TNFRSF9: variants seen among roughly 807,000 people sequenced by gnomAD.
The protein encoded by TNFRSF9 is TNF receptor superfamily member 9.
TNFRSF9 carries 16 observed loss-of-function variants against 28.8 expected under a neutral mutation model. That is an observed-to-expected ratio of 0.55 (90% CI 0.38 to 0.84). The LOEUF (loss-of-function observed/expected upper bound fraction) is 0.84. TNFRSF9 is among the 40% of genes least tolerant of loss of function. The probability of loss-of-function intolerance (pLI) is 0.00; values close to 1 mark genes in which losing one functional copy is unlikely to be tolerated. For synonymous variants in TNFRSF9, 131 were observed against 117.0 expected (o/e 1.12, Z -0.77); for missense variants, 303 against 315.0 (o/e 0.96, Z 0.29).
At chr1:7,929,413 C>T (rs1221678134) in intron 7 of TNFRSF9, among the ~76,000 whole-genome samples, 6 of 151,920 alleles carry the variant, frequency 3.9e-5, no homozygotes, top group African/African-American at 1.2e-4. Flanking sequence ...GTGATCCATC[C>T]GCCTCAGCCT....
At chr1:7,927,375 T>C (rs1301553430) in intron 7 of TNFRSF9, among the ~76,000 whole-genome samples, 1 of 152,224 alleles carries the variant, frequency 6.6e-6, no homozygotes, top group African/African-American at 2.4e-5. Flanking sequence ...CTATCTCTTT[T>C]GCCTAATAAA....
chr1:7,935,050 T>G lies in TNFRSF9; in HGVS notation c.507A>C (p.Ala169=). ...CAGGGGCAGGCGGGGTCACAGAGGA[T>G]GCTCCCGGAGAGAGGTCGGCTGGAG... ...GPSPADLSPG[A]SSVTPPAPAR... is the part of the protein sequence containing the mutation. Residue 169 remains alanine, a synonymous_variant, in exon 6 of 8, where the codon GCA becomes GCC. Coordinates refer to ENST00000377507, the MANE Select transcript of TNFRSF9 (RefSeq NM_001561.6). 6.2e-7 allele frequency: 1 copy of G among 1,614,256 alleles called. No homozygotes were observed.
chr1:7,938,659 G>C (rs1639856283), intron 3 of TNFRSF9, 62 bp downstream of exon 3: 2 of 1,368,514 alleles, frequency 1.5e-6, no homozygotes, highest in Non-Finnish European at 2.0e-6. Flanking sequence ...TTAGTAAATG[G>C]GAAAGAAAAG....
rs765656918 is a variant in TNFRSF9, at chr1:7,937,725, G to A, written c.378C>T (p.Asn126=). Reference sequence around the variant, plus strand: ...GTCGACAGATGCCACGTTTCTGATCGTTAAATGTCCCAAAGCAACAGTCTT... The same window carrying A: ...GTCGACAGATGCCACGTTTCTGATCATTAAATGTCCCAAAGCAACAGTCTT... ...GCKDCCFGTF[N]DQKRGICRPW... Residue 126 remains asparagine (N), a synonymous_variant, in exon 5 of 8, where the codon AAC becomes AAT. Coordinates refer to ENST00000377507, the MANE Select transcript of TNFRSF9 (RefSeq NM_001561.6). 2.0e-5 allele frequency: 32 copies of A among 1,613,310 alleles called. No homozygotes were observed. Among genetic ancestry groups the A allele is most frequent in the Admixed American group, 3.3e-5 (2 of 59,986 alleles).
chr1:7,935,331 T>C (rs1557429578), intron 5 of TNFRSF9, among the ~76,000 whole-genome samples, 188 bp from the exon 6 acceptor site: 2 of 152,236 alleles, frequency 1.3e-5, no homozygotes, highest in Non-Finnish European at 2.9e-5. Context: ...CAGCTTTCCA[T>C]GGCTTCCTTC....
At chr1:7,930,349 G>A (rs1000964213) in intron 7 of TNFRSF9, among the ~76,000 whole-genome samples, 2 of 152,150 alleles carry the variant, frequency 1.3e-5, no homozygotes, top group African/African-American at 4.8e-5. Context: ...CTACCAGGGA[G>A]TGTCCTAAAA....
rs746242326 is a variant in TNFRSF9 at position 7,933,226 on chromosome 1, G to A, written c.615C>T (p.Phe205=). 2 of 1,614,024 alleles carry A rather than the reference G, an allele frequency of 1.2e-6. No homozygotes were observed. The highest frequency in any genetic ancestry group is 1.7e-5 in the Admixed American group (1 of 60,008). The change falls in exon 7 of 8, where the codon TTC becomes TTT. Residue 205 remains phenylalanine, a synonymous_variant. Transcript: ENST00000377507. The part of the protein sequence containing the change: ...TSTALLFLLF[F]LTLRFSVVKR... Reference sequence around the variant, plus strand: ...TAACAACAGAGAAACGGAGCGTGAGGAAGAACAGCAGGAAGAGCAACGCAG... The same window carrying A: ...TAACAACAGAGAAACGGAGCGTGAGAAAGAACAGCAGGAAGAGCAACGCAG...
intron 7 of TNFRSF9, among the ~76,000 whole-genome samples, chr1:7,926,832 C>T (rs980916806): frequency 1.3e-5 from 2 of 152,180 alleles, no homozygotes; most frequent in African/African-American, 2.4e-5. Context: ...TAATGTTTTC[C>T]ACTAGTGGTG....
At chr1:7,932,714 C>G (rs1330963795) in intron 7 of TNFRSF9, among the ~76,000 whole-genome samples, 3 of 147,926 alleles carry the variant, frequency 2.0e-5, no homozygotes, top group South Asian at 2.1e-4. Flanking sequence ...CACACACACA[C>G]AGACACGCAC....
chr1:7,922,911 T>C (rs1323205341), intron 7 of TNFRSF9, among the ~76,000 whole-genome samples: 1 of 150,680 alleles, frequency 6.6e-6, no homozygotes, highest in Non-Finnish European at 1.5e-5. Flanking sequence ...TTTTTTTCTT[T>C]TTTTTTTTTG....
chr1:7,922,756 G>C (rs17229081), intron 7 of TNFRSF9, among the ~76,000 whole-genome samples: 1 of 151,566 alleles, frequency 6.6e-6, no homozygotes, highest in African/African-American at 2.4e-5. Flanking sequence ...AGGTTGCAGA[G>C]AGCTGAGATT....
At chr1:7,924,759 G>A (rs1053219318) in intron 7 of TNFRSF9, among the ~76,000 whole-genome samples, 1 of 152,138 alleles carries the variant, frequency 6.6e-6, no homozygotes, top group African/African-American at 2.4e-5. Flanking sequence ...GCATGTTTTT[G>A]CCCCAAAGAT....
chr1:7,925,900 C>T lies in TNFRSF9; in HGVS notation c.680-4977G>A, dbSNP rs533369081. Among the ~76,000 whole-genome samples the T allele has an allele frequency of 7.2e-5, 11 of 152,238 alleles. No homozygotes were observed. The East Asian group carries it at 2.1e-3, about 29-fold the overall frequency. On this transcript the variant is annotated intron_variant, in intron 7 of 7. Transcript: ENST00000377507. Reference sequence around the variant, plus strand: ...CACGTGCTTGCCCACCACTCTCCTCCTGCTGGGTGGCCTGGTTTCTAATGG... The same window carrying T: ...CACGTGCTTGCCCACCACTCTCCTCTTGCTGGGTGGCCTGGTTTCTAATGG...
intron 7 of TNFRSF9, chr1:7,921,655 G>C (rs1639562924): frequency 6.6e-6 from 1 of 152,066 alleles, no homozygotes; most frequent in Non-Finnish European, 1.5e-5. Context: ...GTGACAGAGT[G>C]AGACTCCATC....
At chr1:7,921,248 A>G (rs1639553758) in intron 7 of TNFRSF9, among the ~76,000 whole-genome samples, 1 of 150,416 alleles carries the variant, frequency 6.6e-6, no homozygotes, top group African/African-American at 2.5e-5. Flanking sequence ...AGGCAGGACA[A>G]TTGCTTGAAC....
At chr1:7,934,440 G>C (rs1234886034) in intron 6 of TNFRSF9, among the ~76,000 whole-genome samples, 1 of 151,928 alleles carries the variant, frequency 6.6e-6, no homozygotes, top group Admixed American at 6.6e-5. Context: ...GACGGGCGTG[G>C]TGGCTCACAC....
At position 7,938,875 on chromosome 1, in the gene TNFRSF9, G is replaced by A. The variant is rs781343547; in HGVS notation, c.101-47C>T. The stretch of plus-strand genomic sequence containing the variant: ...GGTACACGTTTGACAATGGGCAATC[G>A]TCACCCAAGGCATTCCGAAGTTTAC... On this transcript the variant is annotated intron_variant, in intron 2 of 7. Coordinates refer to ENST00000377507, the MANE Select transcript of TNFRSF9 (RefSeq NM_001561.6). The A allele has an allele frequency of 3.8e-6, 5 of 1,331,054 alleles. No individual in the cohort carries two copies. The East Asian group carries it at 7.0e-5, about 19-fold the overall frequency. The allele number at this position is 1,331,054 out of a possible 1,614,324, so 82.5% of individuals were successfully genotyped here.
intron 1 of TNFRSF9, 54 bp from the exon 2 acceptor site, chr1:7,940,132 T>G: frequency 1.8e-6 from 1 of 567,960 alleles, no homozygotes. Flanking sequence ...CAAAATTATC[T>G]ATATTGCAAT....
At chr1:7,927,028 A>T (rs1639666140) in intron 7 of TNFRSF9, among the ~76,000 whole-genome samples, 1 of 151,902 alleles carries the variant, frequency 6.6e-6, no homozygotes, top group Non-Finnish European at 1.5e-5. Context: ...GTTCAAGACC[A>T]GCCTGAGCAA....
Sources: allele counts gnomAD v4.1 joint callset (sites outside exome capture counted in the v4.1 genomes callset), GRCh38; gene constraint gnomAD v4.1.1; transcripts MANE v1.5; gene names NCBI Gene and HGNC (gene_info 2026-07-23, HGNC 2026-07-21).